The following ABCC6 variants were observed in gnomAD, a reference collection of about 807,000 sequenced individuals.
ABCC6 encodes the protein ATP-binding cassette sub-family C member 6.
Under a neutral mutation model 169.5 loss-of-function variants are expected in ABCC6, and 126 were observed. The ratio of observed to expected loss-of-function variants is 0.74; its 90% confidence interval spans 0.64 to 0.86. The LOEUF is 0.86. ABCC6 is among the 40% of genes least tolerant of loss of function. ABCC6 has a pLI of 0.00. For synonymous variants in ABCC6, 752 were observed against 814.7 expected (o/e 0.92, Z 1.31); for missense variants, 1,733 against 1,927.2 (o/e 0.90, Z 1.89).
Position 16,182,466 on chromosome 16 carries a change from C to T in ABCC6, c.2193G>A (p.Leu731=). Residue 731 remains leucine (L), a synonymous_variant, in exon 17 of 31, where the codon CTG becomes CTA. Coordinates refer to ENST00000205557, the MANE Select transcript of ABCC6 (RefSeq NM_001171.6). ...WLERVLEACA[L]QPDVDSFPEG... ...CAGGGAAGCTGTCCACATCTGGCTGCAGGGCACAGGCTTCTAGTACTCTCT... is the reference window on the plus strand; with the variant it reads ...CAGGGAAGCTGTCCACATCTGGCTGTAGGGCACAGGCTTCTAGTACTCTCT... 6.2e-7 allele frequency: 1 copy of T among 1,614,206 alleles called. No homozygotes were observed.
At chr16:16,162,906 C>T in intron 24 of ABCC6, 87 bp downstream of exon 24, 1 of 1,556,914 alleles carries the variant, frequency 6.4e-7, no homozygotes, top group Non-Finnish European at 8.8e-7. Flanking sequence ...CTCTGGGTGA[C>T]CTCTCTACCA....
chr16:16,199,941 A>G (rs1415399564), intron 9 of ABCC6, among the ~76,000 whole-genome samples: 1 of 151,864 alleles, frequency 6.6e-6, no homozygotes, highest in Non-Finnish European at 1.5e-5. Context: ...GCTGGTGGGC[A>G]CCTGTAATCC....
Position 16,190,243 on chromosome 16 carries a change from C to T in ABCC6, c.1556G>A (p.Gly519Asp), listed in dbSNP as rs767057050. ...GGTCCGCAAGGCGCCCAGCTCCTGG[C>T]CTCGGATGCCCAGGACTCTGTCCAG... ...AFLDRVLGIR[G>D]QELGALRTSG... Residue 519 changes from glycine (G) to aspartate (D), a missense_variant, in exon 12 of 31, where the codon GGC (glycine) becomes GAC (aspartate). Around this residue, in one of 5 missense-constraint regions of ABCC6, gnomAD observed 1,601 missense variants for 1,635.5 expected, o/e 0.98. Transcript: ENST00000205557. 1.2e-6 allele frequency: 2 copies of T among 1,614,122 alleles called. No homozygotes were observed. The highest frequency in any genetic ancestry group is 1.3e-5 in the African/African-American group (1 of 75,020).
At position 16,161,550 on chromosome 16, in the gene ABCC6, T is replaced by C. The variant is rs1288065205; in HGVS notation, c.3521A>G (p.Asn1174Ser). ...CAGGCCATTCCCCAGGAGCTCCACA[T>C]TGGCCGCAAGCCACCTGCAAAGGGA... is the stretch of plus-strand genomic sequence containing the variant. Reference protein sequence around the residue: ...RLVADRWLAANVELLGNGLVF... With the variant: ...RLVADRWLAASVELLGNGLVF... Residue 1174 changes from asparagine (N) to serine (S), a missense_variant, in exon 25 of 31, where the codon AAT becomes AGT. Physicochemically the swap from Asn to Ser is conservative, Grantham distance 46 (BLOSUM62 1). Around this residue, in one of 5 missense-constraint regions of ABCC6, gnomAD observed 1,601 missense variants for 1,635.5 expected, o/e 0.98. Transcript: ENST00000205557. 7 of 1,613,780 alleles carry C rather than the reference T, an allele frequency of 4.3e-6. 1 individual carries two copies. The highest frequency in any genetic ancestry group is 2.7e-5 in the African/African-American group (2 of 74,924).
intron 6 of ABCC6, among the ~76,000 whole-genome samples, chr16:16,209,622 G>A (rs550008024): frequency 1.1e-3 from 162 of 149,920 alleles, no homozygotes; most frequent in Non-Finnish European, 1.2e-3. Flanking sequence ...TATTTTTTTT[G>A]AGATGGAGTC....
At chr16:16,166,586 A>G (rs8057824) in intron 22 of ABCC6, among the ~76,000 whole-genome samples, 110,246 of 151,044 alleles carry the variant, frequency 0.73, 42,640 homozygotes, top group South Asian at 0.9. Flanking sequence ...CTCCATCAGA[A>G]CCTCCACGAG....
chr16:16,184,589 C>T (rs2239324), intron 15 of ABCC6, among the ~76,000 whole-genome samples: 64,867 of 151,924 alleles, frequency 0.43, 14,444 homozygotes, highest in Non-Finnish European at 0.5. Flanking sequence ...ATCATGACCT[C>T]GGACTGATAC....
At chr16:16,218,807 G>A (rs2048969758) in intron 4 of ABCC6, among the ~76,000 whole-genome samples, 1 of 19,816 alleles carries the variant, frequency 5.0e-5, no homozygotes, top group Non-Finnish European at 9.0e-5. Flanking sequence ...TCAGGAGCTC[G>A]AGACCAGCCT....
chr16:16,213,540 G>A (rs927469734), intron 5 of ABCC6, among the ~76,000 whole-genome samples: 6 of 149,344 alleles, frequency 4.0e-5, no homozygotes, highest in African/African-American at 1.2e-4. Context: ...TACCCCAAGG[G>A]TAATTTTCTT....
intron 10 of ABCC6, among the ~76,000 whole-genome samples, chr16:16,196,784 T>C (rs2152276759): frequency 6.6e-6 from 1 of 152,238 alleles, no homozygotes; most frequent in African/African-American, 2.4e-5. Flanking sequence ...TCACTGCAAC[T>C]TCCACCTCCA....
chr16:16,164,590 A>T (rs1484108214), intron 23 of ABCC6, among the ~76,000 whole-genome samples: 1 of 152,122 alleles, frequency 6.6e-6, no homozygotes, highest in African/African-American at 2.4e-5. Context: ...TTGCATGTTG[A>T]GTTGCTAAGG....
At chr16:16,196,528 GC>G (rs2048044400) in intron 10 of ABCC6, among the ~76,000 whole-genome samples, 1 of 152,150 alleles carries the variant, frequency 6.6e-6, no homozygotes, top group Non-Finnish European at 1.5e-5. Context: ...CTCGTTTAAT[GC>G]CTCAGCCCCT....
rs2046359509 is a variant in ABCC6 at position 16,150,644 on chromosome 16, C to A, written c.4337G>T (p.Ser1446Ile). The A allele has an allele frequency of 1.2e-6, 2 of 1,613,498 alleles. No individual in the cohort carries two copies. The highest frequency in any genetic ancestry group is 1.3e-5 in the African/African-American group (1 of 75,066). The part of the protein sequence containing the change: ...TELQMQAMLG[S>I]WFAQCTVLLI... ...CAGCACAGTGCACTGTGCAAACCAG[C>A]TCCCGAGCATGGCCTGCATCTGCAG... Residue 1446 changes from serine to isoleucine, a missense_variant, in exon 30 of 31, where the codon AGC (serine) becomes ATC (isoleucine). Ser to Ile is a moderately radical substitution (Grantham distance 142). This residue lies in a region of ABCC6 where 1,601 missense variants were observed against 1,635.5 expected (regional missense o/e 0.98). Transcript: ENST00000205557.
At chr16:16,206,916 C>A (rs1415927664) in intron 7 of ABCC6, among the ~76,000 whole-genome samples, 7 of 152,290 alleles carry the variant, frequency 4.6e-5, no homozygotes, top group East Asian at 3.9e-4. Context: ...GCAGGCAGAT[C>A]CCCTGAGGTC....
In ABCC6 at chr16:16,165,660, G is replaced by C; in HGVS notation, c.3269C>G (p.Ala1090Gly). Reference protein sequence around the residue: ...VAVATPLATVAILPLFLLYAG... With the variant: ...VAVATPLATVGILPLFLLYAG... ...GTAGAGGAGAAACAGTGGCAGGATG[G>C]CCACAGTGGCCAGTGGGGTAGCCAC... Residue 1090 changes from alanine (A) to glycine (G), a missense_variant, in exon 23 of 31, where the codon GCC (alanine) becomes GGC (glycine). Around this residue, in one of 5 missense-constraint regions of ABCC6, gnomAD observed 1,601 missense variants for 1,635.5 expected, o/e 0.98. Transcript: ENST00000205557. 1 of 1,612,420 alleles carries C rather than the reference G, an allele frequency of 6.2e-7. No homozygotes were observed. The highest frequency in any genetic ancestry group is 8.5e-7 in the Non-Finnish European group (1 of 1,179,936).
chr16:16,163,098 CTGCCCT>C lies in ABCC6; in HGVS notation c.3395_3400del (p.Gln1132_Ser1134delinsArg). The C allele has an allele frequency of 6.2e-7, 1 of 1,613,892 alleles. No homozygotes were observed. The highest frequency in any genetic ancestry group is 8.5e-7 in the Non-Finnish European group (1 of 1,180,028). Reference sequence around the variant, plus strand: ...GGTTCGGAATGCCCGGACCACTGTGCTGCCCTGGAACGTCTCAGCCATGTGGGAGCA... The same window carrying C: ...GGTTCGGAATGCCCGGACCACTGTGCGGAACGTCTCAGCCATGTGGGAGCA... On this transcript the variant is annotated inframe_deletion, in exon 24 of 31. Coordinates refer to ENST00000205557, the MANE Select transcript of ABCC6 (RefSeq NM_001171.6).
intron 9 of ABCC6, among the ~76,000 whole-genome samples, chr16:16,201,106 A>G (rs2048222654): frequency 6.6e-6 from 1 of 152,150 alleles, no homozygotes; most frequent in Non-Finnish European, 1.5e-5. Context: ...AGCTGGAATT[A>G]CAGGCACATG....
chr16:16,193,036 C>G (rs2047917177), intron 10 of ABCC6, 114 bp from the exon 11 acceptor site: 2 of 856,032 alleles, frequency 2.3e-6, no homozygotes, highest in Non-Finnish European at 3.8e-6. Flanking sequence ...AGGCTGAGAC[C>G]TACTGGGCTG....
intron 10 of ABCC6, among the ~76,000 whole-genome samples, chr16:16,197,089 T>C (rs967361166): frequency 6.6e-6 from 1 of 152,198 alleles, no homozygotes; most frequent in African/African-American, 2.4e-5. Flanking sequence ...GTTTGGTTGT[T>C]TCCTGATGGC....
Sources: allele counts gnomAD v4.1 joint callset (sites outside exome capture counted in the v4.1 genomes callset), GRCh38; gene constraint gnomAD v4.1.1; regional missense constraint gnomAD v4.1.1; transcripts MANE v1.5; gene names NCBI Gene and HGNC (gene_info 2026-07-23, HGNC 2026-07-21).